Variants in GRIN2B observed in about 807,000 individuals in gnomAD.
GRIN2B encodes glutamate ionotropic receptor NMDA type subunit 2B, also known as glutamate receptor ionotropic, NMDA 2B.
In GRIN2B, 5 loss-of-function variants were observed where a neutral mutation model predicts 114.5. The observed-to-expected ratio is 0.04, with a 90% CI of 0.02 to 0.09. The LOEUF (loss-of-function observed/expected upper bound fraction) is 0.09. Among genes scored for constraint, GRIN2B ranks in the 10% least tolerant of loss-of-function variants. The probability of loss-of-function intolerance (pLI) is 1.00; values close to 1 mark genes in which losing one functional copy is unlikely to be tolerated. For synonymous variants in GRIN2B, 787 were observed against 745.1 expected, an observed-to-expected ratio of 1.06 and a Z score of -0.92; for missense variants, 1,108 against 1,943.5, an observed-to-expected ratio of 0.57 and a Z score of 8.08.
At chr12:13,829,905 A>G (rs1865116471) in intron 3 of GRIN2B, among the ~76,000 whole-genome samples, 1 of 152,150 alleles carries the variant, frequency 6.6e-6, no homozygotes, top group African/African-American at 2.4e-5. Flanking sequence ...TCTTCCCAAC[A>G]TGTTGTGAGA....
At chr12:13,613,460 T>A (rs1949392003) in intron 8 of GRIN2B, among the ~76,000 whole-genome samples, 1 of 152,154 alleles carries the variant, frequency 6.6e-6, no homozygotes, top group African/African-American at 2.4e-5. Context: ...TTCTTTCCAA[T>A]TCATACTCAG....
intron 5 of GRIN2B, among the ~76,000 whole-genome samples, chr12:13,620,145 G>A (rs1040056772): frequency 7.9e-5 from 12 of 152,210 alleles, no homozygotes; most frequent in African/African-American, 2.7e-4. Flanking sequence ...GGCTTGAAAC[G>A]TAAATGATAG....
At chr12:13,700,310 C>T (rs1950299359) in intron 4 of GRIN2B, among the ~76,000 whole-genome samples, 1 of 152,122 alleles carries the variant, frequency 6.6e-6, no homozygotes, top group Admixed American at 6.5e-5. Context: ...TTTTCTACTA[C>T]AATGAGAACA....
intron 2 of GRIN2B, among the ~76,000 whole-genome samples, chr12:13,940,187 T>C (rs539806430): frequency 6.6e-6 from 1 of 152,242 alleles, no homozygotes; most frequent in South Asian, 2.1e-4. Context: ...TTTGAGTCTG[T>C]TCCATCCCAT....
intron 5 of GRIN2B, among the ~76,000 whole-genome samples, chr12:13,633,117 C>G (rs146937371): frequency 2.6e-4 from 40 of 152,300 alleles, no homozygotes; most frequent in African/African-American, 7.9e-4. Flanking sequence ...TAAAGTCACT[C>G]CCAGGTGCTG....
At chr12:13,932,586 A>T (rs1381434650) in intron 2 of GRIN2B, among the ~76,000 whole-genome samples, 1 of 152,216 alleles carries the variant, frequency 6.6e-6, no homozygotes, top group East Asian at 1.9e-4. Context: ...TTAAGCATTC[A>T]AAAAATGGAT....
intron 2 of GRIN2B, among the ~76,000 whole-genome samples, chr12:13,969,583 T>C (rs1867843372): frequency 6.6e-6 from 1 of 152,276 alleles, no homozygotes; most frequent in African/African-American, 2.4e-5. Context: ...CAATTCCTCA[T>C]AGATAACTAT....
intron 3 of GRIN2B, among the ~76,000 whole-genome samples, chr12:13,783,330 C>T (rs1864154995): frequency 6.6e-6 from 1 of 152,148 alleles, no homozygotes; most frequent in Admixed American, 6.5e-5. Flanking sequence ...TCATGTACAA[C>T]ATCTACTTTC....
At chr12:13,735,377 G>T (rs543112300) in intron 4 of GRIN2B, among the ~76,000 whole-genome samples, 2 of 152,112 alleles carry the variant, frequency 1.3e-5, no homozygotes, top group Non-Finnish European at 2.9e-5. Context: ...ATGCTTGTTG[G>T]GGTCTTTGTC....
chr12:13,692,581 A>G (rs1414758159), intron 4 of GRIN2B, among the ~76,000 whole-genome samples: 1 of 151,650 alleles, frequency 6.6e-6, no homozygotes, highest in Non-Finnish European at 1.5e-5. Context: ...CCGTGTCTAC[A>G]TGGTGCCAGC....
chr12:13,971,143 T>A (rs971348396), intron 2 of GRIN2B, among the ~76,000 whole-genome samples: 1 of 152,190 alleles, frequency 6.6e-6, no homozygotes, highest in African/African-American at 2.4e-5. Flanking sequence ...GGAGTATGCG[T>A]CTTAGTTTTC....
chr12:13,577,520 G>A (rs375001288), intron 10 of GRIN2B, among the ~76,000 whole-genome samples: 12 of 152,230 alleles, frequency 7.9e-5, no homozygotes, highest in East Asian at 7.7e-4. Flanking sequence ...CCACCTCCCC[G>A]CTAGAGAGCT....
chr12:13,975,152 C>T (rs1241483233), intron 2 of GRIN2B, among the ~76,000 whole-genome samples: 1 of 152,176 alleles, frequency 6.6e-6, no homozygotes, highest in East Asian at 1.9e-4. Context: ...GCACAACTGC[C>T]AATGTTCTGG....
intron 3 of GRIN2B, among the ~76,000 whole-genome samples, chr12:13,862,139 A>C (rs964506710): frequency 6.6e-6 from 1 of 152,082 alleles, no homozygotes; most frequent in Non-Finnish European, 1.5e-5. Flanking sequence ...TTTCCACCAT[A>C]ATATAAAGCT....
chr12:13,864,978 G>A (rs780957338), intron 3 of GRIN2B, among the ~76,000 whole-genome samples: 3 of 152,168 alleles, frequency 2.0e-5, no homozygotes, highest in Non-Finnish European at 4.4e-5. Context: ...AAAATGTGTT[G>A]CTACAGGTTC....
At chr12:13,678,178 G>A (rs949535895) in intron 4 of GRIN2B, among the ~76,000 whole-genome samples, 4 of 152,084 alleles carry the variant, frequency 2.6e-5, no homozygotes, top group Admixed American at 2.0e-4. Context: ...CCTTTGTTTT[G>A]GGTTAAATGA....
intron 4 of GRIN2B, among the ~76,000 whole-genome samples, chr12:13,737,164 C>T (rs1013044524): frequency 6.6e-6 from 1 of 151,992 alleles, no homozygotes; most frequent in Admixed American, 6.6e-5. Context: ...GTTCTTCCCT[C>T]ATATTACACT....
At chr12:13,720,516 G>C (rs1950498499) in intron 4 of GRIN2B, among the ~76,000 whole-genome samples, 1 of 152,050 alleles carries the variant, frequency 6.6e-6, no homozygotes, top group South Asian at 2.1e-4. Flanking sequence ...GCAAAGTCTA[G>C]TCTGTCAAAA....
chr12:13,866,243 A>C lies in GRIN2B; in HGVS notation c.-18-17T>G. Reference sequence around the variant, plus strand: ...GTCGACTCCCTGCAAACACAAAGAAAGAGCATGTTAAAATAGGATCTACAT... The same window carrying C: ...GTCGACTCCCTGCAAACACAAAGAACGAGCATGTTAAAATAGGATCTACAT... On this transcript the variant is annotated splice_polypyrimidine_tract_variant and intron_variant, in intron 2 of 13. Coordinates refer to ENST00000609686, the MANE Select transcript of GRIN2B (RefSeq NM_000834.5). 1 of 1,598,388 alleles carries C rather than the reference A, an allele frequency of 6.3e-7. No individual in the cohort carries two copies. Among genetic ancestry groups the C allele is most frequent in the Non-Finnish European group, 8.5e-7 (1 of 1,177,658 alleles).
Sources: allele counts gnomAD v4.1 joint callset (sites outside exome capture counted in the v4.1 genomes callset), GRCh38; gene constraint gnomAD v4.1.1; transcripts MANE v1.5; gene names NCBI Gene and HGNC (gene_info 2026-07-23, HGNC 2026-07-21).